Variants in CLBA1 observed in about 807,000 individuals in gnomAD.
CLBA1 encodes clathrin binding box of aftiphilin containing 1, also known as uncharacterized protein CLBA1.
Under a neutral mutation model 28.8 loss-of-function variants are expected in CLBA1, and 30 were observed. The ratio of observed to expected loss-of-function variants is 1.04; its 90% CI spans 0.78 to 1.41. The LOEUF (loss-of-function observed/expected upper bound fraction) is 1.41. CLBA1 is among the 40% of genes most tolerant of loss of function. The probability of loss-of-function intolerance (pLI) is 0.00; values close to 1 mark genes in which losing one functional copy is unlikely to be tolerated. For synonymous variants in CLBA1, 160 were observed against 152.8 expected (o/e 1.05, Z -0.35); for missense variants, 451 against 412.3 (o/e 1.09, Z -0.81).
chr14:104,989,272 T>G, intron 2 of CLBA1, 184 bp downstream of exon 2: 1 of 597,306 alleles, frequency 1.7e-6, no homozygotes, highest in Non-Finnish European at 2.9e-6. Context: ...AGCTGTGGCC[T>G]TCCACTCTGA....
At position 104,994,088 on chromosome 14, in the gene CLBA1, G is replaced by A. The variant is rs565718526; in HGVS notation, c.817-510G>A. The A allele has an allele frequency of 1.9e-5, 19 of 985,250 alleles. No homozygotes were observed. The South Asian group carries it at 5.2e-4, about 27-fold the overall frequency. 61.0% of individuals were successfully genotyped at this position (985,250 alleles called of 1,614,324 possible). ...GGGGCAACAGGAGAGGGCCCTGATC[G>A]GCCGTCTTCACAGGCTGTCCATCTT... On this transcript the variant is annotated intron_variant, in intron 4 of 4. Coordinates refer to ENST00000547315, the MANE Select transcript of CLBA1 (RefSeq NM_174891.4).
intron 2 of CLBA1, chr14:104,989,431 G>A (rs991566233): frequency 2.5e-6 from 1 of 393,626 alleles, no homozygotes; most frequent in East Asian, 6.5e-5. Flanking sequence ...GTGGGCACAG[G>A]GGCCTTCTGG....
chr14:104,996,257 C>T (rs528686337), downstream of CLBA1, among the ~76,000 whole-genome samples: 123 of 152,320 alleles, frequency 8.1e-4, 2 homozygotes, highest in Admixed American at 2.9e-3. Flanking sequence ...CCCTGCTGCT[C>T]TCGTCCCCAG....
chr14:104,995,404 G>T lies in CLBA1; in HGVS notation c.*645G>T. The T allele has an allele frequency of 3.0e-6, 3 of 985,434 alleles. No homozygotes were observed. The highest frequency in any genetic ancestry group is 3.6e-6 in the Non-Finnish European group (3 of 829,940). The allele number at this position is 985,434 out of a possible 1,614,324, so 61.0% of individuals were successfully genotyped here. ...ACTGGCCTGCGAGAGCCTCTGGTGG[G>T]CCCGTGGCTTCCCCCAGTTATCTGC... On this transcript the variant is annotated 3_prime_UTR_variant, in exon 5 of 5. Transcript: ENST00000547315.
chr14:104,995,147 A>G lies in CLBA1; in HGVS notation c.*388A>G. ...GTGGCCAAATCCATGAGTTCAGAGGAAAAGGGGAAGGCACTGAAACGTCAC... is the reference window on the plus strand; with the variant it reads ...GTGGCCAAATCCATGAGTTCAGAGGGAAAGGGGAAGGCACTGAAACGTCAC... On this transcript the variant is annotated 3_prime_UTR_variant, in exon 5 of 5. Coordinates refer to ENST00000547315, the MANE Select transcript of CLBA1 (RefSeq NM_174891.4). 1 of 992,960 alleles carries G rather than the reference A, an allele frequency of 1.0e-6. No homozygotes were observed. The allele number at this position is 992,960 out of a possible 1,614,324, so 61.5% of individuals were successfully genotyped here.
intron 2 of CLBA1, 42 bp from the exon 3 acceptor site, chr14:104,991,449 G>A: frequency 6.2e-7 from 1 of 1,611,352 alleles, no homozygotes; most frequent in Non-Finnish European, 8.5e-7. Context: ...CTCCTCAGAA[G>A]GCTCTCAAGG....
intron 1 of CLBA1, among the ~76,000 whole-genome samples, chr14:104,988,233 C>T (rs959122816): frequency 3.9e-5 from 6 of 152,150 alleles, no homozygotes; most frequent in Non-Finnish European, 7.4e-5. Context: ...GGACTTCACC[C>T]GGTTCAGACC....
chr14:104,997,703 T>G (rs1297248953), downstream of CLBA1, among the ~76,000 whole-genome samples: 1 of 152,154 alleles, frequency 6.6e-6, no homozygotes, highest in Non-Finnish European at 1.5e-5. Flanking sequence ...ACTTAGAAGT[T>G]CACATACATT....
intron 2 of CLBA1, chr14:104,991,146 TC>T: frequency 4.4e-6 from 1 of 227,368 alleles, no homozygotes; most frequent in Non-Finnish European, 8.9e-6. Flanking sequence ...TGCCTCAGCC[TC>T]CCCAGTAGCT....
Position 104,986,697 on chromosome 14 carries a change from C to T in CLBA1, c.266C>T (p.Ala89Val). The change falls in exon 1 of 5, where the codon GCC becomes GTC. Residue 89 changes from alanine to valine, a missense_variant. By Grantham distance (64) the Ala-to-Val change is moderately conservative. Transcript: ENST00000547315. Reference sequence around the variant, plus strand: ...TTTGAAGGCTTTCGGGAATCTTCAGCCAAGTCTGGACAATTCTCACAGTCC... The same window carrying T: ...TTTGAAGGCTTTCGGGAATCTTCAGTCAAGTCTGGACAATTCTCACAGTCC... The part of the protein sequence containing the change: ...GEFEGFRESS[A>V]KSGQFSQSLE... 1.9e-6 allele frequency: 3 copies of T among 1,614,126 alleles called. No homozygotes were observed. Among genetic ancestry groups the T allele is most frequent in the Non-Finnish European group, 2.5e-6 (3 of 1,180,022 alleles).
intron 4 of CLBA1, chr14:104,993,585 G>A (rs1343496859): frequency 1.0e-6 from 1 of 985,336 alleles, no homozygotes; most frequent in Non-Finnish European, 1.2e-6. Flanking sequence ...CGGGCTCAAG[G>A]CAGAAGAGGA....
chr14:104,997,773 C>A (rs531129250), downstream of CLBA1, among the ~76,000 whole-genome samples: 2 of 152,298 alleles, frequency 1.3e-5, no homozygotes, highest in African/African-American at 4.8e-5. Context: ...CTTTGGGAGG[C>A]TGATGCAGGT....
In CLBA1 at chr14:104,986,603, C is replaced by G; in HGVS notation, c.172C>G (p.Arg58Gly). 1 of 1,614,112 alleles carries G rather than the reference C, an allele frequency of 6.2e-7. No homozygotes were observed. The highest frequency in any genetic ancestry group is 8.5e-7 in the Non-Finnish European group (1 of 1,180,030). ...SDGKASISMP[R>G]EGGSTCTARC... ...TGGGAAAGCCAGCATCTCCATGCCC[C>G]GTGAGGGCGGTTCCACCTGCACTGC... Residue 58 changes from arginine (R) to glycine (G), a missense_variant, in exon 1 of 5, where the codon CGT becomes GGT. Arg to Gly is a moderately radical substitution (Grantham distance 125, BLOSUM62 -2). Transcript: ENST00000547315.
At position 104,991,648 on chromosome 14, in the gene CLBA1, C is replaced by T. The variant is rs150837860; in HGVS notation, c.699+28C>T. ...AGGCGGTTTGGGTTGACACAGGGCTCCTGGGAGTGTGGTTGAACTTCACTG... is the reference window on the plus strand; with the variant it reads ...AGGCGGTTTGGGTTGACACAGGGCTTCTGGGAGTGTGGTTGAACTTCACTG... On this transcript the variant is annotated intron_variant, in intron 3 of 4. Coordinates refer to ENST00000547315, the MANE Select transcript of CLBA1 (RefSeq NM_174891.4). The T allele has an allele frequency of 7.6e-3, 12,012 of 1,584,852 alleles. 75 individuals carry two copies. The highest frequency in any genetic ancestry group is 9.4e-3 in the Non-Finnish European group (10,936 of 1,165,298).
chr14:104,986,734 C>G lies in CLBA1; in HGVS notation c.303C>G (p.Leu101=). The change falls in exon 1 of 5, where the codon CTC becomes CTG. Residue 101 remains leucine (L), a synonymous_variant. Transcript: ENST00000547315. ...SGQFSQSLEL[L]EGPTEPQPPR... ...AATTCTCACAGTCCCTTGAACTCCT[C>G]GAGGGACCCACAGAACCCCAGCCAC... is the stretch of plus-strand genomic sequence containing the variant. 4.3e-6 allele frequency: 7 copies of G among 1,614,036 alleles called. No individual in the cohort carries two copies. Among genetic ancestry groups the G allele is most frequent in the African/African-American group, 1.3e-5 (1 of 75,018 alleles).
intron 4 of CLBA1, chr14:104,994,070 C>T: frequency 1.0e-6 from 1 of 985,296 alleles, no homozygotes; most frequent in Non-Finnish European, 1.2e-6. Flanking sequence ...CATGGGGCAA[C>T]AGGAGAGGGC....
chr14:104,994,713 C>T lies in CLBA1; in HGVS notation c.932C>T (p.Thr311Ile), dbSNP rs34350817. 0.014 allele frequency: 22,858 copies of T among 1,613,730 alleles called. 225 individuals carry two copies. Among genetic ancestry groups the T allele is most frequent in the Middle Eastern group, 0.018 (110 of 6,058 alleles). ...ACTATTCCAAGGAAAAGGATGTTCA[C>T]TCCACGCAAGCTCAAACTGACACTC... is the stretch of plus-strand genomic sequence containing the variant. ...HITIPRKRMF[T>I]PRKLKLTLFN... Residue 311 changes from threonine (T) to isoleucine (I), a missense_variant, in exon 5 of 5, where the codon ACT (threonine) becomes ATT (isoleucine). Physicochemically the swap from Thr to Ile is moderately conservative, Grantham distance 89. Coordinates refer to ENST00000547315, the MANE Select transcript of CLBA1 (RefSeq NM_174891.4).
downstream of CLBA1, among the ~76,000 whole-genome samples, chr14:104,999,761 T>C (rs368930854): frequency 9.2e-5 from 14 of 152,308 alleles, no homozygotes; most frequent in East Asian, 1.3e-3. Flanking sequence ...AACTGAATAA[T>C]GAAAATGGCA....
downstream of CLBA1, among the ~76,000 whole-genome samples, chr14:104,997,492 C>T (rs967171673): frequency 6.6e-6 from 1 of 152,098 alleles, no homozygotes; most frequent in African/African-American, 2.4e-5. Context: ...GAAAATAATC[C>T]ACAAATCCAA....
Sources: allele counts gnomAD v4.1 joint callset (sites outside exome capture counted in the v4.1 genomes callset), GRCh38; gene constraint gnomAD v4.1.1; transcripts MANE v1.5; gene names NCBI Gene and HGNC (gene_info 2026-07-23, HGNC 2026-07-21).